Variants in FAT4 observed in about 807,000 individuals in gnomAD.
FAT4 encodes FAT atypical cadherin 4, also known as protocadherin Fat 4.
A neutral mutation model predicts 303.9 loss-of-function variants in FAT4; 84 were observed. The observed-to-expected ratio is 0.28, with a 90% CI of 0.23 to 0.33. The LOEUF (loss-of-function observed/expected upper bound fraction) is 0.33, where lower values mean the gene tolerates loss of function less well. Among genes scored for constraint, FAT4 ranks in the 10% least tolerant of loss-of-function variants. The pLI is 1.00. For synonymous variants in FAT4, 2,307 were observed against 2,298.8 expected (o/e 1.00, Z -0.10); for missense variants, 6,005 against 6,146.8 (o/e 0.98, Z 0.77).
intron 12 of FAT4, among the ~76,000 whole-genome samples, chr4:125,470,991 A>G (rs1401427992): frequency 2.0e-5 from 3 of 152,138 alleles, no homozygotes; most frequent in Non-Finnish European, 4.4e-5. Context: ...TCTTCCTTTC[A>G]CTTGAGCACT....
At chr4:125,394,086 T>C (rs2126009068) in intron 2 of FAT4, 1 of 726,618 alleles carries the variant, frequency 1.4e-6, no homozygotes, top group South Asian at 1.5e-5. Flanking sequence ...GGACCAGATA[T>C]CTAAGCACAA....
chr4:125,328,485 A>C (rs545157837), intron 2 of FAT4, among the ~76,000 whole-genome samples: 149 of 152,320 alleles, frequency 9.8e-4, no homozygotes, highest in African/African-American at 3.6e-3. Context: ...AGAAACGATC[A>C]GTGAGTAAAA....
chr4:125,481,531 T>C lies in FAT4; in HGVS notation c.12615T>C (p.Pro4205=). 2 of 1,613,954 alleles carry C rather than the reference T, an allele frequency of 1.2e-6. No individual in the cohort carries two copies. Among genetic ancestry groups the C allele is most frequent in the Non-Finnish European group, 1.7e-6 (2 of 1,179,876 alleles). The part of the protein sequence containing the change: ...TGKYCEKSVT[P]DTALSLEGKG... ...TCCTTTGACTTCCAGCTGTTACTCC[T>C]GACACTGCCTTATCATTAGAAGGCA... Residue 4205 remains proline (P), a synonymous_variant, in exon 16 of 18, where the codon CCT becomes CCC. Transcript: ENST00000394329.
chr4:125,387,280 A>G (rs1253031487), intron 2 of FAT4, among the ~76,000 whole-genome samples: 1 of 152,220 alleles, frequency 6.6e-6, no homozygotes, highest in African/African-American at 2.4e-5. Context: ...GCAAAGGTGA[A>G]GACTACTATG....
chr4:125,443,129 A>G (rs939857482), intron 8 of FAT4, among the ~76,000 whole-genome samples: 11 of 152,290 alleles, frequency 7.2e-5, no homozygotes, highest in Admixed American at 5.2e-4. Flanking sequence ...TATAATGCCT[A>G]TAACCCTAGT....
chr4:125,358,699 T>C (rs1423772116), intron 2 of FAT4, among the ~76,000 whole-genome samples: 1 of 152,098 alleles, frequency 6.6e-6, no homozygotes, highest in Non-Finnish European at 1.5e-5. Context: ...ACCGCTCACC[T>C]CCTGCTGTGT....
At chr4:125,477,496 A>G (rs1941646038) in intron 14 of FAT4, 162 bp downstream of exon 14, 1 of 519,292 alleles carries the variant, frequency 1.9e-6, no homozygotes, top group Non-Finnish European at 3.2e-6. Flanking sequence ...ATTTTGGCAT[A>G]AAGTATGATA....
At chr4:125,357,796 ATTTACCG>A (rs570028257) in intron 2 of FAT4, among the ~76,000 whole-genome samples, 329 of 152,226 alleles carry the variant, frequency 2.2e-3, no homozygotes, top group African/African-American at 7.8e-3. Flanking sequence ...GGGGGTTGTC[ATTTACCG>A]TGGATGCTCT....
At chr4:125,339,325 A>G (rs1731687800) in intron 2 of FAT4, among the ~76,000 whole-genome samples, 1 of 151,850 alleles carries the variant, frequency 6.6e-6, no homozygotes, top group African/African-American at 2.4e-5. Flanking sequence ...CCTCCCGAGT[A>G]GCTGGGATTA....
At chr4:125,421,681 A>G (rs1011999229) in intron 7 of FAT4, among the ~76,000 whole-genome samples, 4 of 152,168 alleles carry the variant, frequency 2.6e-5, no homozygotes, top group Admixed American at 1.3e-4. Context: ...AAAAAATTCT[A>G]AGTTAGAGAA....
intron 7 of FAT4, among the ~76,000 whole-genome samples, chr4:125,429,835 T>C (rs977981168): frequency 2.0e-5 from 3 of 152,166 alleles, no homozygotes; most frequent in African/African-American, 7.2e-5. Context: ...AAATGGGCAG[T>C]TGGATCTGAC....
At chr4:125,351,085 A>T (rs1157032339) in intron 2 of FAT4, among the ~76,000 whole-genome samples, 1 of 151,656 alleles carries the variant, frequency 6.6e-6, no homozygotes. Flanking sequence ...TGGCCGCGTG[A>T]TGTGATTGAT....
At chr4:125,403,300 A>T (rs534845600) in intron 3 of FAT4, among the ~76,000 whole-genome samples, 1 of 152,180 alleles carries the variant, frequency 6.6e-6, no homozygotes, top group South Asian at 2.1e-4. Flanking sequence ...ATGCCACATG[A>T]CTAATAAATG....
intron 7 of FAT4, among the ~76,000 whole-genome samples, chr4:125,432,589 G>T (rs1190770349): frequency 1.3e-5 from 2 of 151,664 alleles, no homozygotes; most frequent in Non-Finnish European, 2.9e-5. Flanking sequence ...ATTGCTTACA[G>T]TAAGCAAGTA....
intron 7 of FAT4, among the ~76,000 whole-genome samples, chr4:125,422,575 C>A (rs139251212): frequency 2.0e-5 from 3 of 152,138 alleles, no homozygotes; most frequent in Non-Finnish European, 2.9e-5. Context: ...CTTCCCCCTC[C>A]GCTGTGATTG....
intron 2 of FAT4, among the ~76,000 whole-genome samples, chr4:125,388,484 C>T (rs1244671311): frequency 1.3e-5 from 2 of 152,118 alleles, no homozygotes; most frequent in East Asian, 3.9e-4. Context: ...CTACCACATT[C>T]AGATTAACAT....
At chr4:125,444,448 C>T (rs985261625) in intron 8 of FAT4, among the ~76,000 whole-genome samples, 32 of 152,080 alleles carry the variant, frequency 2.1e-4, no homozygotes, top group African/African-American at 7.7e-4. Context: ...AATGATGGAA[C>T]CCTGATGGTC....
At chr4:125,376,825 C>T (rs946916879) in intron 2 of FAT4, among the ~76,000 whole-genome samples, 4 of 151,956 alleles carry the variant, frequency 2.6e-5, no homozygotes, top group African/African-American at 7.3e-5. Context: ...GTGGAGGTTC[C>T]GGTGAGCCGA....
chr4:125,359,885 A>G (rs1316480444), intron 2 of FAT4, among the ~76,000 whole-genome samples: 1 of 152,108 alleles, frequency 6.6e-6, no homozygotes, highest in Non-Finnish European at 1.5e-5. Flanking sequence ...TCCAGCCTGG[A>G]TCTCTGGGAG....
Sources: allele counts gnomAD v4.1 joint callset (sites outside exome capture counted in the v4.1 genomes callset), GRCh38; gene constraint gnomAD v4.1.1; transcripts MANE v1.5; gene names NCBI Gene and HGNC (gene_info 2026-07-23, HGNC 2026-07-21).